Variants in EPHB1 observed in about 807,000 individuals in gnomAD.
EPHB1 encodes ephrin type-B receptor 1.
EPHB1 carries 30 observed loss-of-function variants against 94.4 expected under a neutral mutation model. That is an observed-to-expected ratio of 0.32 (90% CI 0.24 to 0.43). The LOEUF (loss-of-function observed/expected upper bound fraction) is 0.43, where lower values mean the gene tolerates loss of function less well. Among genes scored for constraint, EPHB1 ranks in the 20% least tolerant of loss-of-function variants. The pLI, the probability that EPHB1 is intolerant of heterozygous loss-of-function variation, is 1.00. For synonymous variants in EPHB1, 522 were observed against 489.1 expected (o/e 1.07, Z -0.89); for missense variants, 1,055 against 1,308.3 (o/e 0.81, Z 2.99).
intron 3 of EPHB1, among the ~76,000 whole-genome samples, chr3:134,987,643 C>T (rs148257613): frequency 2.4e-4 from 36 of 152,238 alleles, no homozygotes; most frequent in South Asian, 8.3e-4. Context: ...TGGTGGCACG[C>T]GCTTGTAGTC....
At chr3:135,176,981 G>C (rs1006643589) in intron 9 of EPHB1, among the ~76,000 whole-genome samples, 1 of 152,026 alleles carries the variant, frequency 6.6e-6, no homozygotes, top group African/African-American at 2.4e-5. Context: ...CCCTCCGCTT[G>C]CTTCCTCTTC....
In EPHB1 at chr3:134,948,089, T is replaced by G. The variant is rs115652788; in HGVS notation, c.124-3282T>G. On this transcript the variant is annotated intron_variant, in intron 2 of 15. Coordinates refer to ENST00000398015, the MANE Select transcript of EPHB1 (RefSeq NM_004441.5). ...AATTATAGGCATAAGCCATTGCACC[T>G]GGCCTCATTTTGCTTATTTAAATAC... 6.0e-3 allele frequency among the ~76,000 whole-genome samples: 913 copies of G among 152,280 alleles called. 4 individuals are homozygous for G. Among genetic ancestry groups the G allele is most frequent in the African/African-American group, 0.021 (866 of 41,562 alleles).
At chr3:134,957,816 G>T (rs1933340935) in intron 3 of EPHB1, among the ~76,000 whole-genome samples, 1 of 152,224 alleles carries the variant, frequency 6.6e-6, no homozygotes, top group Non-Finnish European at 1.5e-5. Flanking sequence ...TTGGGGCTGG[G>T]AATGAGGATG....
chr3:135,256,901 A>T (rs1404823415), intron 15 of EPHB1, among the ~76,000 whole-genome samples: 1 of 148,658 alleles, frequency 6.7e-6, no homozygotes, highest in Non-Finnish European at 1.5e-5. Context: ...TATTTCTTGG[A>T]GGCTTTGCTC....
At chr3:134,882,030 G>C (rs2108311804) in intron 1 of EPHB1, among the ~76,000 whole-genome samples, 1 of 152,312 alleles carries the variant, frequency 6.6e-6, no homozygotes. Context: ...ATCCAAGACT[G>C]TAATCAGAGG....
chr3:135,213,018 C>T (rs888559599), intron 12 of EPHB1, among the ~76,000 whole-genome samples: 1 of 152,188 alleles, frequency 6.6e-6, no homozygotes, highest in Non-Finnish European at 1.5e-5. Flanking sequence ...ATCTTTTTAA[C>T]ATCACCATCT....
At chr3:135,008,985 A>C (rs1935522508) in intron 3 of EPHB1, among the ~76,000 whole-genome samples, 1 of 152,228 alleles carries the variant, frequency 6.6e-6, no homozygotes, top group South Asian at 2.1e-4. Context: ...GTGTGGTCAC[A>C]GGGGCGTGGA....
intron 3 of EPHB1, among the ~76,000 whole-genome samples, chr3:135,079,106 C>G (rs1938062310): frequency 6.6e-6 from 1 of 150,986 alleles, no homozygotes; most frequent in Admixed American, 6.6e-5. Flanking sequence ...ACAAAACAAA[C>G]AAACAAGCAA....
At chr3:135,229,020 T>A (rs1501217) in intron 12 of EPHB1, among the ~76,000 whole-genome samples, 104,983 of 152,004 alleles carry the variant, frequency 0.69, 38,538 homozygotes, top group Middle Eastern at 0.87. Context: ...CAGTGCCTGT[T>A]AAAAGAGACT....
At chr3:134,870,071 GAGAGTTATT>G (rs2037467131) in intron 1 of EPHB1, among the ~76,000 whole-genome samples, 2 of 152,294 alleles carry the variant, frequency 1.3e-5, no homozygotes, top group Admixed American at 1.3e-4. Flanking sequence ...GGATATTTAA[GAGAGTTATT>G]AGTGCTTGGG....
intron 3 of EPHB1, among the ~76,000 whole-genome samples, chr3:135,068,155 T>C (rs749122845): frequency 2.0e-5 from 3 of 152,126 alleles, no homozygotes; most frequent in Non-Finnish European, 4.4e-5. Flanking sequence ...GGAGCTAAAA[T>C]TCATGATGCA....
intron 3 of EPHB1, among the ~76,000 whole-genome samples, chr3:134,984,522 G>T (rs1274050112): frequency 6.6e-6 from 1 of 152,164 alleles, no homozygotes; most frequent in Non-Finnish European, 1.5e-5. Flanking sequence ...CTTTCTGGAA[G>T]ATCTGGGATA....
At chr3:135,078,536 C>A (rs984561057) in intron 3 of EPHB1, among the ~76,000 whole-genome samples, 3 of 152,270 alleles carry the variant, frequency 2.0e-5, no homozygotes, top group African/African-American at 7.2e-5. Context: ...ACCACCTTCT[C>A]TGGCCACAGC....
At chr3:135,251,848 G>T (rs1228162601) in intron 15 of EPHB1, among the ~76,000 whole-genome samples, 1 of 152,146 alleles carries the variant, frequency 6.6e-6, no homozygotes, top group Non-Finnish European at 1.5e-5. Context: ...TGGGTTCAGG[G>T]GGCTTTAGAG....
chr3:134,810,577 T>C (rs149203552), intron 1 of EPHB1, among the ~76,000 whole-genome samples: 1 of 152,276 alleles, frequency 6.6e-6, no homozygotes, highest in East Asian at 1.9e-4. Context: ...ACAATTATAG[T>C]ATTGTCATAA....
intron 3 of EPHB1, among the ~76,000 whole-genome samples, chr3:134,962,045 T>C (rs1933539689): frequency 6.6e-6 from 1 of 152,234 alleles, no homozygotes; most frequent in South Asian, 2.1e-4. Context: ...TTGGTAGATA[T>C]TCCCAAATTG....
At chr3:135,239,047 C>T (rs1256588521) in intron 12 of EPHB1, among the ~76,000 whole-genome samples, 1 of 152,202 alleles carries the variant, frequency 6.6e-6, no homozygotes, top group East Asian at 1.9e-4. Flanking sequence ...ATGATGAGAA[C>T]AGAGAGTCTG....
At chr3:134,939,860 G>A (rs1300959688) in intron 2 of EPHB1, among the ~76,000 whole-genome samples, 1 of 152,248 alleles carries the variant, frequency 6.6e-6, no homozygotes, top group Non-Finnish European at 1.5e-5. Flanking sequence ...ACAGGACATG[G>A]TGGCAGCAAC....
intron 3 of EPHB1, among the ~76,000 whole-genome samples, chr3:134,998,332 G>T (rs1386989276): frequency 6.6e-6 from 1 of 152,238 alleles, no homozygotes; most frequent in Non-Finnish European, 1.5e-5. Flanking sequence ...GGGCAAGGAA[G>T]AGAATGTAAG....
Sources: gnomAD v4.1 joint callset for allele counts (sites outside exome capture counted in the v4.1 genomes callset) on GRCh38, gnomAD v4.1.1 for gene constraint, MANE v1.5 for transcripts, NCBI Gene and HGNC (gene_info 2026-07-23, HGNC 2026-07-21) for gene names.